CPEB3: variants seen among roughly 807,000 people sequenced by gnomAD.
CPEB3 encodes the protein cytoplasmic polyadenylation element-binding protein 3.
CPEB3 carries 20 observed loss-of-function variants against 67.2 expected under a neutral mutation model. The ratio of observed to expected loss-of-function variants is 0.30; its 90% CI spans 0.21 to 0.43. The LOEUF (loss-of-function observed/expected upper bound fraction) is 0.43, where lower values mean the gene tolerates loss of function less well. Among genes scored for constraint, CPEB3 ranks in the 20% least tolerant of loss-of-function variants. The pLI is 1.00. For missense variants in CPEB3, 746 were observed against 968.6 expected (o/e 0.77, Z 3.05); for synonymous variants, 376 against 393.1 (o/e 0.96, Z 0.51).
chr10:92,115,128 C>T (rs1044858530), intron 6 of CPEB3, among the ~76,000 whole-genome samples: 4 of 152,154 alleles, frequency 2.6e-5, no homozygotes, highest in Non-Finnish European at 5.9e-5. Context: ...AGCCCGGGAC[C>T]GCCGGGCCAC....
chr10:92,231,351 GACT>G (rs1851259258), intron 2 of CPEB3, among the ~76,000 whole-genome samples: 1 of 152,100 alleles, frequency 6.6e-6, no homozygotes, highest in Non-Finnish European at 1.5e-5. Flanking sequence ...CTCTAATTCT[GACT>G]ACAATTACAG....
intron 6 of CPEB3, among the ~76,000 whole-genome samples, chr10:92,119,992 C>T (rs1251327178): frequency 1.3e-5 from 2 of 150,600 alleles, no homozygotes; most frequent in Non-Finnish European, 3.0e-5. Flanking sequence ...CGGTGGCTCA[C>T]GCCTGTAATC....
chr10:92,122,739 T>A (rs886402834), intron 6 of CPEB3, among the ~76,000 whole-genome samples: 10 of 152,158 alleles, frequency 6.6e-5, no homozygotes, highest in African/African-American at 2.4e-4. Context: ...AAGACATGAA[T>A]AGAGAAATCA....
intron 9 of CPEB3, among the ~76,000 whole-genome samples, chr10:92,076,940 G>A (rs996794536): frequency 6.6e-6 from 1 of 151,932 alleles, no homozygotes; most frequent in Non-Finnish European, 1.5e-5. Context: ...GTGGCACCTT[G>A]GAATCTGTAA....
chr10:92,240,982 A>C (rs889748943), intron 1 of CPEB3, among the ~76,000 whole-genome samples: 1 of 152,176 alleles, frequency 6.6e-6, no homozygotes, highest in African/African-American at 2.4e-5. Flanking sequence ...ATTTGTTAGA[A>C]GGACTCAGCT....
At chr10:92,096,040 T>A (rs1404768600) in intron 7 of CPEB3, among the ~76,000 whole-genome samples, 1 of 149,706 alleles carries the variant, frequency 6.7e-6, no homozygotes. Context: ...CTGATTTTTT[T>A]TTTTTTTTTT....
intron 6 of CPEB3, among the ~76,000 whole-genome samples, chr10:92,140,405 G>C (rs1352976363): frequency 1.3e-5 from 2 of 152,278 alleles, no homozygotes; most frequent in East Asian, 3.9e-4. Context: ...AATAAATGGT[G>C]CTGGGAAAAC....
chr10:92,064,027 G>T (rs1232095077), intron 9 of CPEB3, among the ~76,000 whole-genome samples: 1 of 152,156 alleles, frequency 6.6e-6, no homozygotes, highest in Non-Finnish European at 1.5e-5. Context: ...AAATTGGTAA[G>T]TCAAAGTGTA....
At chr10:92,179,240 C>T (rs1278132388) in intron 4 of CPEB3, among the ~76,000 whole-genome samples, 3 of 152,046 alleles carry the variant, frequency 2.0e-5, no homozygotes, top group Admixed American at 2.0e-4. Context: ...ATGGAAAGAG[C>T]ATAAATGAAA....
intron 2 of CPEB3, among the ~76,000 whole-genome samples, chr10:92,200,557 A>G (rs1226893860): frequency 1.3e-5 from 2 of 151,358 alleles, no homozygotes; most frequent in African/African-American, 4.9e-5. Context: ...AAAAAAAAAA[A>G]AAAAAAAAAA....
At chr10:92,216,320 G>C in intron 2 of CPEB3, 4 of 1,584,256 alleles carry the variant, frequency 2.5e-6, no homozygotes, top group Non-Finnish European at 3.4e-6. Context: ...CTAGGTTTCA[G>C]CGGCCGCTGC....
intron 1 of CPEB3, among the ~76,000 whole-genome samples, chr10:92,245,076 A>C (rs1350233787): frequency 6.6e-6 from 1 of 151,734 alleles, no homozygotes; most frequent in Non-Finnish European, 1.5e-5. Context: ...TTTGCAGCAT[A>C]CTGTAATCTT....
chr10:92,210,604 C>T lies in CPEB3; in HGVS notation c.1006-17968G>A, dbSNP rs1217840276. Among the ~76,000 whole-genome samples the T allele has an allele frequency of 2.6e-5, 4 of 152,248 alleles. No individual in the cohort carries two copies. In the East Asian group the frequency reaches 7.7e-4, roughly 29 times the overall value. On this transcript the variant is annotated intron_variant, in intron 2 of 9. Coordinates refer to ENST00000265997, the MANE Select transcript of CPEB3 (RefSeq NM_014912.5). ...AAGGGGTAATACATAAACTATTGAA[C>T]AATCTGTAGTCTCTTGGAAAAACTG...
intron 1 of CPEB3, among the ~76,000 whole-genome samples, chr10:92,253,477 AAAAAAAAG>A (rs1852390133): frequency 6.6e-6 from 1 of 151,054 alleles, no homozygotes; most frequent in South Asian, 2.1e-4. Context: ...AAAAAAAAAA[AAAAAAAAG>A]AAAAGAAAGA....
intron 2 of CPEB3, among the ~76,000 whole-genome samples, chr10:92,197,324 G>A (rs528177519): frequency 1.3e-5 from 2 of 152,208 alleles, no homozygotes; most frequent in South Asian, 4.1e-4. Flanking sequence ...TGAAATAAGT[G>A]ATTAACCAGG....
intron 2 of CPEB3, among the ~76,000 whole-genome samples, chr10:92,201,863 A>G (rs2134250284): frequency 6.6e-6 from 1 of 152,274 alleles, no homozygotes; most frequent in Non-Finnish European, 1.5e-5. Flanking sequence ...AGTATATTGT[A>G]ATTACTTCTT....
At chr10:92,232,018 C>A (rs1417582080) in intron 2 of CPEB3, among the ~76,000 whole-genome samples, 4 of 150,614 alleles carry the variant, frequency 2.7e-5, no homozygotes, top group Non-Finnish European at 5.9e-5. Flanking sequence ...CCACTCCCAG[C>A]CTCAAACTTT....
chr10:92,246,432 C>T (rs944974337), intron 1 of CPEB3, among the ~76,000 whole-genome samples: 3 of 151,686 alleles, frequency 2.0e-5, no homozygotes, highest in African/African-American at 7.3e-5. Context: ...TCAAGTACTC[C>T]AAAGTAAAAT....
intron 4 of CPEB3, among the ~76,000 whole-genome samples, chr10:92,152,782 T>TA (rs1847023259): frequency 6.6e-6 from 1 of 152,246 alleles, no homozygotes; most frequent in African/African-American, 2.4e-5. Context: ...CTTTTCTGCC[T>TA]AGTATTTATC....
Sources: gnomAD v4.1 joint callset for allele counts (sites outside exome capture counted in the v4.1 genomes callset) on GRCh38, gnomAD v4.1.1 for gene constraint, MANE v1.5 for transcripts, NCBI Gene and HGNC (gene_info 2026-07-23, HGNC 2026-07-21) for gene names.